Variants in WIPI1 observed in about 807,000 individuals in gnomAD.
WIPI1 encodes WD repeat domain phosphoinositide-interacting protein 1.
A neutral mutation model predicts 55.3 loss-of-function variants in WIPI1; 45 were observed. That is an observed-to-expected ratio of 0.81 (90% CI 0.64 to 1.04). WIPI1 has a LOEUF of 1.04. WIPI1 is among the 50% of genes least tolerant of loss of function. The pLI is 0.00. For missense variants in WIPI1, 445 were observed against 559.0 expected, an observed-to-expected ratio of 0.80 and a Z score of 2.06; for synonymous variants, 195 against 217.6, an observed-to-expected ratio of 0.90 and a Z score of 0.92.
At chr17:68,443,409 G>A (rs935668529) in intron 4 of WIPI1, among the ~76,000 whole-genome samples, 14 of 152,062 alleles carry the variant, frequency 9.2e-5, no homozygotes, top group East Asian at 1.9e-4. Flanking sequence ...CACCGCACCC[G>A]GCTAGCTTTG....
At chr17:68,445,211 C>T (rs530818475) in intron 3 of WIPI1, among the ~76,000 whole-genome samples, 5 of 152,284 alleles carry the variant, frequency 3.3e-5, no homozygotes, top group East Asian at 1.9e-4. Flanking sequence ...TGAGCCACCG[C>T]GTTCAACAGG....
intron 9 of WIPI1, among the ~76,000 whole-genome samples, chr17:68,429,795 G>T (rs2083428886): frequency 1.3e-5 from 2 of 152,078 alleles, no homozygotes; most frequent in South Asian, 2.1e-4. Flanking sequence ...CACCACGTTG[G>T]CCAGGCTGGT....
chr17:68,453,023 C>T (rs753863255), intron 1 of WIPI1, 31 bp from the exon 2 acceptor site: 21 of 1,568,712 alleles, frequency 1.3e-5, no homozygotes, highest in South Asian at 4.4e-5. Context: ...ATGGGAATAA[C>T]GACAGGTATT....
chr17:68,444,674 G>A, intron 3 of WIPI1, 85 bp from the exon 4 acceptor site: 7 of 1,119,466 alleles, frequency 6.3e-6, no homozygotes, highest in Non-Finnish European at 9.0e-6. Flanking sequence ...TTTCATATGA[G>A]TCCTAACTTG....
At chr17:68,455,361 CA>C (rs35004898) in intron 1 of WIPI1, among the ~76,000 whole-genome samples, 7,418 of 102,586 alleles carry the variant, frequency 0.072, 577 homozygotes, top group African/African-American at 0.24. Flanking sequence ...AAGACTGTCT[CA>C]AAAAAAAAAA....
intron 9 of WIPI1, among the ~76,000 whole-genome samples, chr17:68,429,207 A>G (rs561189680): frequency 1.3e-5 from 2 of 152,336 alleles, no homozygotes; most frequent in Admixed American, 1.3e-4. Context: ...TAGCTAGTGA[A>G]CACATTAGCT....
At chr17:68,434,655 T>TA (rs1160595987) in intron 6 of WIPI1, 29 bp from the exon 7 acceptor site, 1 of 1,611,662 alleles carries the variant, frequency 6.2e-7, no homozygotes, top group East Asian at 2.2e-5. Flanking sequence ...GGACATTTCA[T>TA]AACCATTAGT....
At chr17:68,426,254 G>GGGCGCCCCCC in intron 11 of WIPI1, 79 bp from the exon 12 acceptor site, 1 of 816,922 alleles carries the variant, frequency 1.2e-6, no homozygotes, top group Non-Finnish European at 1.9e-6. Flanking sequence ...GGGAGCGGGG[G>GGGCGCCCCCC]CTCAAATAAA....
At chr17:68,434,649 A>G in intron 6 of WIPI1, 23 bp from the exon 7 acceptor site, 1 of 1,613,226 alleles carries the variant, frequency 6.2e-7, no homozygotes, top group Non-Finnish European at 8.5e-7. Context: ...GCAGGTGGAC[A>G]TTTCATAACC....
chr17:68,438,550 T>A (rs1196612319), intron 4 of WIPI1, among the ~76,000 whole-genome samples: 1 of 152,124 alleles, frequency 6.6e-6, no homozygotes, highest in Non-Finnish European at 1.5e-5. Flanking sequence ...AACTAAAGAG[T>A]TAAGACCTTA....
In WIPI1 at chr17:68,422,063, TTATATG is replaced by T; in HGVS notation, c.1294-249_1294-244del. The T allele has an allele frequency of 7.4e-6, 4 of 538,540 alleles. No homozygotes were observed. The South Asian group carries it at 8.8e-5, about 12-fold the overall frequency. 33.4% of individuals were successfully genotyped at this position (538,540 alleles called of 1,614,324 possible). A position where few individuals can be genotyped will look rare whatever the true frequency, so the allele number is the denominator to read the frequency against. Reference sequence around the variant, plus strand: ...TGTCTCTGTGTGTGTGTGTATGTATTTATATGTATATGTATATATTTTTAAAAGGCT... The same window carrying T: ...TGTCTCTGTGTGTGTGTGTATGTATTTATATGTATATATTTTTAAAAGGCT... On this transcript the variant is annotated intron_variant, in intron 12 of 12. Coordinates refer to ENST00000262139, the MANE Select transcript of WIPI1 (RefSeq NM_017983.7).
intron 3 of WIPI1, 108 bp downstream of exon 3, chr17:68,450,620 T>G: frequency 7.1e-7 from 1 of 1,400,622 alleles, no homozygotes; most frequent in Non-Finnish European, 9.7e-7. Flanking sequence ...AACATTCTCA[T>G]TAGAATTGGA....
intron 3 of WIPI1, among the ~76,000 whole-genome samples, chr17:68,449,827 A>G (rs547171697): frequency 6.6e-6 from 1 of 152,308 alleles, no homozygotes; most frequent in East Asian, 1.9e-4. Flanking sequence ...AGAATAGACG[A>G]ATACACTCTG....
intron 12 of WIPI1, chr17:68,422,831 CAG>C (rs2082895367): frequency 6.7e-6 from 1 of 149,204 alleles, no homozygotes; most frequent in Non-Finnish European, 1.5e-5. Flanking sequence ...TCACAAAATA[CAG>C]AGACTTGTAC....
At chr17:68,427,032 A>AC (rs2078079177) in intron 11 of WIPI1, 103 bp downstream of exon 11, 2 of 939,286 alleles carry the variant, frequency 2.1e-6, no homozygotes, top group South Asian at 1.5e-5. Context: ...AGGGCACTCC[A>AC]CCCCCAGGTA....
chr17:68,447,954 C>T (rs1056936715), intron 3 of WIPI1, among the ~76,000 whole-genome samples: 6 of 144,632 alleles, frequency 4.1e-5, no homozygotes, highest in African/African-American at 1.5e-4. Context: ...GACTGCACTC[C>T]AGCCTGGGCA....
intron 8 of WIPI1, 68 bp from the exon 9 acceptor site, chr17:68,430,228 C>T (rs1013644479): frequency 1.3e-6 from 2 of 1,507,866 alleles, no homozygotes; most frequent in Non-Finnish European, 1.8e-6. Flanking sequence ...GGAATCTCCA[C>T]ACCCAAGCGT....
intron 2 of WIPI1, among the ~76,000 whole-genome samples, chr17:68,451,609 G>A (rs1402449989): frequency 6.6e-6 from 1 of 152,178 alleles, no homozygotes; most frequent in Non-Finnish European, 1.5e-5. Context: ...TTCCCTGAGA[G>A]ATTTCAAAGG....
chr17:68,444,638 C>A, intron 3 of WIPI1, 49 bp from the exon 4 acceptor site: 1 of 1,491,186 alleles, frequency 6.7e-7, no homozygotes, highest in Non-Finnish European at 9.2e-7. Flanking sequence ...CTTACAAAGA[C>A]CCTGACCAAA....
Sources: gnomAD v4.1 joint callset for allele counts (sites outside exome capture counted in the v4.1 genomes callset) on GRCh38, gnomAD v4.1.1 for gene constraint, MANE v1.5 for transcripts, NCBI Gene and HGNC (gene_info 2026-07-23, HGNC 2026-07-21) for gene names.